Variants in FAT2 observed in about 807,000 individuals in gnomAD.
The protein encoded by FAT2 is FAT atypical cadherin 2.
FAT2 carries 150 observed loss-of-function variants against 295.3 expected under a neutral mutation model. That is an observed-to-expected ratio of 0.51 (90% confidence interval 0.44 to 0.58). The LOEUF (loss-of-function observed/expected upper bound fraction) is 0.58, where lower values mean the gene tolerates loss of function less well. Ranked by LOEUF, FAT2 falls within the 20% of genes least tolerant of loss-of-function variation. The pLI is 0.00. For missense variants in FAT2, 4,868 were observed against 5,442.7 expected (o/e 0.89, Z 3.32); for synonymous variants, 2,026 against 2,150.3 (o/e 0.94, Z 1.60).
Position 151,568,088 on chromosome 5 carries a change from A to C in FAT2, c.844T>G (p.Ser282Ala). 2 of 1,614,092 alleles carry C rather than the reference A, an allele frequency of 1.2e-6. No individual in the cohort carries two copies. Among genetic ancestry groups the C allele is most frequent in the Non-Finnish European group, 1.7e-6 (2 of 1,180,034 alleles). The change falls in exon 2 of 24, where the codon TCA becomes GCA. Residue 282 changes from serine (S) to alanine (A), a missense_variant. By Grantham distance (99) the Ser-to-Ala change is moderately conservative. This residue lies in a region of FAT2 where 3,297 missense variants were observed against 3,669.4 expected (regional missense o/e 0.90). Transcript: ENST00000261800. ...TCCACTGACTCCACTTCAGCTCCTG[A>C]GCTATTTGCATCGACCAGTACAGTG... ...YATVLVDANS[S>A]GAEVESVEVV...
rs183483909 is a variant in FAT2 at position 151,553,061 on chromosome 5, G to A, written c.4156+116C>T. ...CAGTCCCCACTCCGGGCTGAAAGAG[G>A]GGCTGCCGAGGAGCCCGACCTTGAG... On this transcript the variant is annotated intron_variant, in intron 6 of 23. Coordinates refer to ENST00000261800, the MANE Select transcript of FAT2 (RefSeq NM_001447.3). 184 of 991,168 alleles carry A rather than the reference G, an allele frequency of 1.9e-4. No individual in the cohort carries two copies. In the African/African-American group the frequency reaches 2.8e-3, roughly 15 times the overall value. The allele number at this position is 991,168 out of a possible 1,614,324, so 61.4% of individuals were successfully genotyped here. A position where few individuals can be genotyped will look rare whatever the true frequency, so the allele number is the denominator to read the frequency against.
At chr5:151,536,542 G>A (rs1003095861) in intron 12 of FAT2, among the ~76,000 whole-genome samples, 2 of 152,036 alleles carry the variant, frequency 1.3e-5, no homozygotes. Flanking sequence ...ATCCCTCCTA[G>A]GTGGGCTGCT....
At chr5:151,517,937 T>G (rs1395716340) in intron 19 of FAT2, among the ~76,000 whole-genome samples, 172 bp from the exon 20 acceptor site, 5 of 152,134 alleles carry the variant, frequency 3.3e-5, no homozygotes, top group African/African-American at 1.2e-4. Context: ...GCCTCACACG[T>G]AGAGCCAGAC....
intron 2 of FAT2, 26 bp downstream of exon 2, chr5:151,565,647 A>ACCGCCCCCCCC: frequency 5.5e-6 from 8 of 1,461,028 alleles, no homozygotes; most frequent in Non-Finnish European, 4.6e-6. Context: ...TGGCCCTGGC[A>ACCGCCCCCCCC]CCCCACCCTA....
intron 9 of FAT2, among the ~76,000 whole-genome samples, chr5:151,548,902 T>C (rs1314102467): frequency 6.6e-6 from 1 of 152,216 alleles, no homozygotes. Context: ...TAAATCACTG[T>C]GGAGCCTTAT....
At position 151,525,716 on chromosome 5, in the gene FAT2, A is replaced by C. The variant is rs41290579; in HGVS notation, c.10506+52T>G. On this transcript the variant is annotated intron_variant, in intron 18 of 23. Transcript: ENST00000261800. ...CAGAAGCACTGGTGGGGCTTTTGCC[A>C]GCATCTTTACTGTCCCCATGGTCAC... 43,987 of 1,600,866 alleles carry C rather than the reference A, an allele frequency of 0.027. 789 individuals carry two copies. The highest frequency in any genetic ancestry group is 0.032 in the Non-Finnish European group (36,977 of 1,168,382).
intron 1 of FAT2, among the ~76,000 whole-genome samples, chr5:151,576,779 G>T (rs1003392356): frequency 3.3e-5 from 5 of 152,094 alleles, no homozygotes; most frequent in Non-Finnish European, 7.4e-5. Flanking sequence ...TAGTAGTAGG[G>T]AGTCATTCAT....
At chr5:151,589,311 C>T (rs1759308466) in intron 1 of FAT2, among the ~76,000 whole-genome samples, 1 of 152,166 alleles carries the variant, frequency 6.6e-6, no homozygotes, top group African/African-American at 2.4e-5. Context: ...CTGGCCAGCA[C>T]CAGGCCAGTG....
chr5:151,529,909 G>A (rs1344451707), intron 14 of FAT2, among the ~76,000 whole-genome samples: 1 of 152,174 alleles, frequency 6.6e-6, no homozygotes, highest in African/African-American at 2.4e-5. Flanking sequence ...AAAGAACAAG[G>A]ATTTATCCTG....
intron 12 of FAT2, 79 bp downstream of exon 12, chr5:151,537,714 A>G: frequency 7.1e-7 from 1 of 1,402,366 alleles, no homozygotes; most frequent in Non-Finnish European, 9.7e-7. Context: ...TTTCTTCTCC[A>G]AGGAGAATAC....
At chr5:151,581,191 G>C (rs909123291) in intron 1 of FAT2, among the ~76,000 whole-genome samples, 1 of 152,172 alleles carries the variant, frequency 6.6e-6, no homozygotes, top group South Asian at 2.1e-4. Flanking sequence ...ACAGAGGCTC[G>C]GTCTCTTCAG....
In FAT2 at chr5:151,507,606, T is replaced by G; in HGVS notation, c.12065A>C (p.Glu4022Ala). 6.4e-7 allele frequency: 1 copy of G among 1,557,684 alleles called. No homozygotes were observed. Among genetic ancestry groups the G allele is most frequent in the Non-Finnish European group, 8.6e-7 (1 of 1,161,812 alleles). ...TTCTGAACAACCCCTCGCCTCCATT[T>G]CACACCTGCGGAGACAGAGTAGTCA... ...CPHPYTGDRC[E>A]MEARGCSEGH... is the part of the protein sequence containing the mutation. Residue 4022 changes from glutamate to alanine, a missense_variant, in exon 23 of 24, where the codon GAA (glutamate) becomes GCA (alanine). Transcript: ENST00000261800.
At position 151,534,418 on chromosome 5, in the gene FAT2, G is replaced by A; in HGVS notation, c.9418C>T (p.Pro3140Ser). The A allele has an allele frequency of 1.3e-5, 21 of 1,606,522 alleles. No homozygotes were observed. Among genetic ancestry groups the A allele is most frequent in the Non-Finnish European group, 1.7e-5 (20 of 1,174,814 alleles). ...TPVAVVFARD[P>S]DQGANAQVVY... ...TCCTTCTCAGACTCACCTTGGTCGG[G>A]ATCCCGGGCAAATACTACAGCCACA... Residue 3140 changes from proline (P) to serine (S), a missense_variant, in exon 13 of 24, where the codon CCC becomes TCC. Pro to Ser is a moderately conservative substitution (Grantham distance 74). Transcript: ENST00000261800.
chr5:151,517,633 G>A lies in FAT2; in HGVS notation c.11450C>T (p.Ser3817Phe). ...AILLFTNETA[S>F]VSLKLASGVP... is the part of the protein sequence containing the mutation. The stretch of plus-strand genomic sequence containing the variant: ...GCAGTGCCTTACCTTCAGGGAGACG[G>A]ACGCTGTTTCATTGGTGAATAGAAG... The change falls in exon 20 of 24, where the codon TCC (serine) becomes TTC (phenylalanine). Residue 3817 changes from serine to phenylalanine, a missense_variant. Coordinates refer to ENST00000261800, the MANE Select transcript of FAT2 (RefSeq NM_001447.3). The A allele has an allele frequency of 6.2e-7, 1 of 1,614,132 alleles. No individual in the cohort carries two copies. The highest frequency in any genetic ancestry group is 8.5e-7 in the Non-Finnish European group (1 of 1,180,036).
intron 10 of FAT2, among the ~76,000 whole-genome samples, chr5:151,541,492 T>C (rs928100290): frequency 1.3e-5 from 2 of 152,188 alleles, no homozygotes; most frequent in African/African-American, 4.8e-5. Flanking sequence ...TGGTTCTTGG[T>C]TGGAATTTCA....
Position 151,534,578 on chromosome 5 carries a change from C to T in FAT2, c.9258G>A (p.Lys3086=), listed in dbSNP as rs1755027168. 1 of 1,614,144 alleles carries T rather than the reference C, an allele frequency of 6.2e-7. No homozygotes were observed. The highest frequency in any genetic ancestry group is 1.3e-5 in the African/African-American group (1 of 75,028). The change falls in exon 13 of 24, where the codon AAG becomes AAA. Residue 3086 remains lysine (K), a synonymous_variant. Coordinates refer to ENST00000261800, the MANE Select transcript of FAT2 (RefSeq NM_001447.3). The part of the protein sequence containing the change: ...ERKDVFNLVA[K]ATDGGGRSCQ... Reference sequence around the variant, plus strand: ...ACGATCGGCCACCTCCATCCGTCGCCTTGGCAACAAGGTTGAACACATCCT... The same window carrying T: ...ACGATCGGCCACCTCCATCCGTCGCTTTGGCAACAAGGTTGAACACATCCT...
In FAT2 at chr5:151,565,835, C is replaced by A. The variant is rs1758231146; in HGVS notation, c.3097G>T (p.Ala1033Ser). 3.1e-6 allele frequency: 5 copies of A among 1,614,144 alleles called. No individual in the cohort carries two copies. Among genetic ancestry groups the A allele is most frequent in the Non-Finnish European group, 3.4e-6 (4 of 1,180,024 alleles). ...ACCTGGCCCTGGTGCACGAAGGAGGCAAAGTGGGGAGGGTGGAGATTCTCA... is the reference window on the plus strand; with the variant it reads ...ACCTGGCCCTGGTGCACGAAGGAGGAAAAGTGGGGAGGGTGGAGATTCTCA... Reference protein sequence around the residue: ...VNENLHPPHFASFVHQGQVQE... With the variant: ...VNENLHPPHFSSFVHQGQVQE... The change falls in exon 2 of 24, where the codon GCC (alanine) becomes TCC (serine). Residue 1033 changes from alanine (A) to serine (S), a missense_variant. Ala to Ser is a moderately conservative substitution (Grantham distance 99). Coordinates refer to ENST00000261800, the MANE Select transcript of FAT2 (RefSeq NM_001447.3).
chr5:151,547,189 A>C (rs1756727311), intron 9 of FAT2, among the ~76,000 whole-genome samples: 1 of 152,258 alleles, frequency 6.6e-6, no homozygotes, highest in Non-Finnish European at 1.5e-5. Context: ...AAGTCAAAGA[A>C]AAAATACCGT....
Position 151,545,132 on chromosome 5 carries a change from C to A in FAT2, c.5995G>T (p.Asp1999Tyr). Residue 1999 changes from aspartate to tyrosine, a missense_variant, in exon 10 of 24, where the codon GAC becomes TAC. By Grantham distance (160) the Asp-to-Tyr change is radical (BLOSUM62 -3). Coordinates refer to ENST00000261800, the MANE Select transcript of FAT2 (RefSeq NM_001447.3). ...ILGAQGNHLN[D>Y]TLSYFLLNGT... is the part of the protein sequence containing the mutation. ...TTCAAGAGAAAGTAGGAAAGGGTGT[C>A]ATTCAAATGATTGCCCTGGGCACCA... The A allele has an allele frequency of 1.2e-6, 2 of 1,614,174 alleles. No individual in the cohort carries two copies. Among genetic ancestry groups the A allele is most frequent in the South Asian group, 1.1e-5 (1 of 91,072 alleles).
Sources: allele counts gnomAD v4.1 joint callset (sites outside exome capture counted in the v4.1 genomes callset), GRCh38; gene constraint gnomAD v4.1.1; regional missense constraint gnomAD v4.1.1; transcripts MANE v1.5; gene names NCBI Gene and HGNC (gene_info 2026-07-23, HGNC 2026-07-21).